The following CDC14A variants were observed in gnomAD, a reference collection of about 807,000 sequenced individuals.
CDC14A encodes the protein dual specificity protein phosphatase CDC14A.
A neutral mutation model predicts 74.4 loss-of-function variants in CDC14A; 53 were observed. The observed-to-expected ratio is 0.71, with a 90% CI of 0.57 to 0.89. CDC14A has a LOEUF of 0.89. Ranked by LOEUF, CDC14A falls within the 40% of genes least tolerant of loss-of-function variation. CDC14A has a pLI of 0.00. For missense variants in CDC14A, 646 were observed against 713.7 expected (o/e 0.91, Z 1.08); for synonymous variants, 247 against 258.4 (o/e 0.96, Z 0.43).
chr1:100,490,723 A>G (rs1254151682), intron 11 of CDC14A, among the ~76,000 whole-genome samples: 1 of 152,150 alleles, frequency 6.6e-6, no homozygotes, highest in African/African-American at 2.4e-5. Flanking sequence ...GGTGTAAAGA[A>G]CTCTTACAAA....
chr1:100,497,184 A>T (rs1647973560), intron 13 of CDC14A, among the ~76,000 whole-genome samples: 1 of 152,220 alleles, frequency 6.6e-6, no homozygotes, highest in South Asian at 2.1e-4. Flanking sequence ...TTGATGAGGT[A>T]ACAGCTGATT....
At chr1:100,487,730 A>G (rs2101378774) in intron 11 of CDC14A, among the ~76,000 whole-genome samples, 1 of 152,330 alleles carries the variant, frequency 6.6e-6, no homozygotes, top group Admixed American at 6.5e-5. Flanking sequence ...TATGAGAAAT[A>G]AAATAGAGGC....
intron 4 of CDC14A, among the ~76,000 whole-genome samples, chr1:100,420,538 C>T (rs1662240339): frequency 6.6e-6 from 1 of 152,034 alleles, no homozygotes; most frequent in South Asian, 2.1e-4. Flanking sequence ...CATTGTTTCT[C>T]ACGGTGTAGT....
chr1:100,420,085 G>GTGTA (rs1178163843), intron 4 of CDC14A, among the ~76,000 whole-genome samples: 1 of 47,298 alleles, frequency 2.1e-5, no homozygotes, highest in Non-Finnish European at 5.6e-5. Context: ...TATATATAGT[G>GTGTA]TGTATGTGTG....
chr1:100,517,519 C>G (rs1018780960), intron 15 of CDC14A, among the ~76,000 whole-genome samples: 11 of 152,158 alleles, frequency 7.2e-5, no homozygotes, highest in African/African-American at 2.2e-4. Flanking sequence ...TTCTGTAACT[C>G]TCTATCTTTT....
At chr1:100,378,594 C>T (rs1484066387) in intron 3 of CDC14A, among the ~76,000 whole-genome samples, 1 of 152,062 alleles carries the variant, frequency 6.6e-6, no homozygotes, top group Non-Finnish European at 1.5e-5. Context: ...TATGTTGTAT[C>T]CTTATGAATT....
intron 10 of CDC14A, among the ~76,000 whole-genome samples, chr1:100,470,618 G>A (rs1230739703): frequency 3.3e-5 from 5 of 152,094 alleles, no homozygotes; most frequent in African/African-American, 1.2e-4. Flanking sequence ...GTATAAATAA[G>A]CAATTTTAAA....
intron 4 of CDC14A, among the ~76,000 whole-genome samples, chr1:100,394,275 C>T (rs752124344): frequency 4.6e-5 from 7 of 152,056 alleles, no homozygotes; most frequent in African/African-American, 1.2e-4. Context: ...GCCACCACAG[C>T]CAGCTAATTT....
chr1:100,437,146 A>G (rs538226577), intron 5 of CDC14A, among the ~76,000 whole-genome samples: 57 of 152,146 alleles, frequency 3.7e-4, no homozygotes, highest in Non-Finnish European at 6.5e-4. Context: ...AGATCATACC[A>G]CTGCACTCCA....
At chr1:100,405,202 CTG>C (rs1450397858) in intron 4 of CDC14A, among the ~76,000 whole-genome samples, 1 of 152,212 alleles carries the variant, frequency 6.6e-6, no homozygotes. Context: ...CAGCTCTTCA[CTG>C]TCATTTTCTT....
At chr1:100,348,655 A>G (rs1470339960), upstream of CDC14A, among the ~76,000 whole-genome samples, 2 of 152,210 alleles carry the variant, frequency 1.3e-5, no homozygotes, top group Non-Finnish European at 2.9e-5. Context: ...GGAGATATTT[A>G]TCTGGGGAAG....
In CDC14A at chr1:100,498,910, A is replaced by T. The variant is rs1186220294; in HGVS notation, c.1422-19A>T. ...ATTGTTGTCTGTTTTTTCCCTCCTC[A>T]CTTGTGTTTTCCATTCAGCTTTTCC... On this transcript the variant is annotated intron_variant, in intron 14 of 15. Coordinates refer to ENST00000336454, the MANE Select transcript of CDC14A (RefSeq NM_003672.4). 1 of 1,598,170 alleles carries T rather than the reference A, an allele frequency of 6.3e-7. No individual in the cohort carries two copies. The highest frequency in any genetic ancestry group is 8.5e-7 in the Non-Finnish European group (1 of 1,171,758).
At chr1:100,472,608 T>TC (rs1272074902) in intron 10 of CDC14A, among the ~76,000 whole-genome samples, 10 of 152,250 alleles carry the variant, frequency 6.6e-5, no homozygotes, top group African/African-American at 2.4e-4. Flanking sequence ...ATCACTTTTT[T>TC]CTTTTTGATA....
chr1:100,348,966 G>A (rs1440464055), upstream of CDC14A, among the ~76,000 whole-genome samples: 1 of 152,168 alleles, frequency 6.6e-6, no homozygotes, highest in South Asian at 2.1e-4. Flanking sequence ...ATCCTGAGGC[G>A]GGCGGATTAC....
chr1:100,376,425 T>C (rs1377733168), intron 2 of CDC14A, among the ~76,000 whole-genome samples: 1 of 152,152 alleles, frequency 6.6e-6, no homozygotes, highest in Non-Finnish European at 1.5e-5. Flanking sequence ...TAAATATTTA[T>C]TTGTTGGCCT....
chr1:100,460,488 C>T (rs1261494042), intron 8 of CDC14A, among the ~76,000 whole-genome samples: 3 of 152,152 alleles, frequency 2.0e-5, no homozygotes, highest in Admixed American at 6.5e-5. Flanking sequence ...AAGCTCTCAC[C>T]AGCCCGCCAC....
chr1:100,424,447 T>A lies in CDC14A; in HGVS notation c.389+146T>A. The A allele has an allele frequency of 4.7e-6, 3 of 632,412 alleles. No individual in the cohort carries two copies. In the South Asian group the frequency reaches 5.8e-5, roughly 12 times the overall value. The allele number at this position is 632,412 out of a possible 1,614,324, so 39.2% of individuals were successfully genotyped here. On this transcript the variant is annotated intron_variant, in intron 5 of 15. Coordinates refer to ENST00000336454, the MANE Select transcript of CDC14A (RefSeq NM_003672.4). Reference sequence around the variant, plus strand: ...GAGATGGTAGTTTTTATTATTTCATTTCGTAGAGTTTTATCCCCCTAGCTA... The same window carrying A: ...GAGATGGTAGTTTTTATTATTTCATATCGTAGAGTTTTATCCCCCTAGCTA...
chr1:100,369,689 T>C (rs1654163867), intron 2 of CDC14A, among the ~76,000 whole-genome samples: 1 of 152,176 alleles, frequency 6.6e-6, no homozygotes, highest in South Asian at 2.1e-4. Flanking sequence ...GTTTACTCTG[T>C]TGATAGTTTA....
intron 11 of CDC14A, among the ~76,000 whole-genome samples, chr1:100,485,617 A>G (rs1192836212): frequency 6.6e-6 from 1 of 152,164 alleles, no homozygotes; most frequent in African/African-American, 2.4e-5. Context: ...ACAAGTGTAG[A>G]TTTACATTCT....
Sources: gnomAD v4.1 joint callset for allele counts (sites outside exome capture counted in the v4.1 genomes callset) on GRCh38, gnomAD v4.1.1 for gene constraint, MANE v1.5 for transcripts, NCBI Gene and HGNC (gene_info 2026-07-23, HGNC 2026-07-21) for gene names.